Variants in CNTN4 observed in about 807,000 individuals in gnomAD.
The protein encoded by CNTN4 is contactin-4.
CNTN4 carries 77 observed loss-of-function variants against 122.5 expected under a neutral mutation model. The ratio of observed to expected loss-of-function variants is 0.63; its 90% CI spans 0.52 to 0.76. CNTN4 has a LOEUF of 0.76. CNTN4 is among the 30% of genes least tolerant of loss of function. The pLI, the probability that CNTN4 is intolerant of heterozygous loss-of-function variation, is 0.00. For missense variants in CNTN4, 1,256 were observed against 1,259.1 expected (o/e 1.00, Z 0.04); for synonymous variants, 512 against 447.0 (o/e 1.15, Z -1.83).
At chr3:2,373,370 G>A (rs751648249) in intron 3 of CNTN4, among the ~76,000 whole-genome samples, 10 of 152,212 alleles carry the variant, frequency 6.6e-5, no homozygotes, top group Non-Finnish European at 1.0e-4. Flanking sequence ...AGGGAGGACT[G>A]CTTTTCTGTA....
chr3:2,784,920 C>G (rs2091748888), intron 6 of CNTN4, among the ~76,000 whole-genome samples: 1 of 152,134 alleles, frequency 6.6e-6, no homozygotes, highest in African/African-American at 2.4e-5. Flanking sequence ...AGATTTTAAA[C>G]TAATGAGTTC....
At chr3:2,530,947 T>C (rs562657501) in intron 3 of CNTN4, among the ~76,000 whole-genome samples, 12 of 152,204 alleles carry the variant, frequency 7.9e-5, no homozygotes, top group Non-Finnish European at 1.8e-4. Context: ...TCCCAGTCTC[T>C]TACCTTGTTT....
chr3:2,170,340 A>T (rs1319344020), intron 2 of CNTN4, among the ~76,000 whole-genome samples: 1 of 152,166 alleles, frequency 6.6e-6, no homozygotes, highest in Non-Finnish European at 1.5e-5. Context: ...AACAACAACA[A>T]CAAAAAGAGG....
At chr3:2,369,348 G>A (rs1261771194) in intron 3 of CNTN4, among the ~76,000 whole-genome samples, 1 of 152,170 alleles carries the variant, frequency 6.6e-6, no homozygotes, top group Non-Finnish European at 1.5e-5. Context: ...CTCTCACTGT[G>A]CTAATCATAT....
chr3:3,022,603 T>C (rs1338977880), intron 14 of CNTN4, among the ~76,000 whole-genome samples: 1 of 152,208 alleles, frequency 6.6e-6, no homozygotes, highest in Non-Finnish European at 1.5e-5. Flanking sequence ...AATTGAGTAG[T>C]TAATATTATT....
At chr3:2,803,020 T>C (rs984256020) in intron 6 of CNTN4, among the ~76,000 whole-genome samples, 2 of 152,128 alleles carry the variant, frequency 1.3e-5, no homozygotes, top group African/African-American at 2.4e-5. Context: ...GACAGAGATA[T>C]AGTAGGAAAA....
At chr3:2,447,060 G>C (rs1362636007) in intron 3 of CNTN4, among the ~76,000 whole-genome samples, 1 of 152,156 alleles carries the variant, frequency 6.6e-6, no homozygotes, top group Admixed American at 6.6e-5. Flanking sequence ...AATTATGGGA[G>C]TTTCATATGC....
At chr3:2,451,632 T>TTA (rs1391015179) in intron 3 of CNTN4, among the ~76,000 whole-genome samples, 2 of 152,124 alleles carry the variant, frequency 1.3e-5, no homozygotes, top group Non-Finnish European at 2.9e-5. Flanking sequence ...ATAAATGTAG[T>TTA]TATCCTCACG....
chr3:2,884,406 C>T (rs1019916606), intron 9 of CNTN4, among the ~76,000 whole-genome samples: 10 of 152,070 alleles, frequency 6.6e-5, no homozygotes, highest in African/African-American at 1.9e-4. Flanking sequence ...AAGCTACAGT[C>T]GTATCTTTAC....
At chr3:2,278,889 T>A (rs1342600467) in intron 2 of CNTN4, among the ~76,000 whole-genome samples, 2 of 151,904 alleles carry the variant, frequency 1.3e-5, no homozygotes, top group Non-Finnish European at 2.9e-5. Flanking sequence ...CTAAATAAAT[T>A]CAATATTTAT....
intron 12 of CNTN4, 51 bp downstream of exon 12, chr3:2,903,056 A>G (rs756335650): frequency 1.3e-6 from 2 of 1,571,398 alleles, no homozygotes; most frequent in Non-Finnish European, 1.7e-6. Flanking sequence ...TTAGATCACT[A>G]AACTAACTTG....
intron 3 of CNTN4, among the ~76,000 whole-genome samples, chr3:2,442,095 G>T (rs1209981871): frequency 6.6e-6 from 1 of 152,104 alleles, no homozygotes; most frequent in Admixed American, 6.6e-5. Context: ...GATTTATAAT[G>T]AAAATATGTG....
At chr3:2,705,097 A>G (rs976042463) in intron 4 of CNTN4, among the ~76,000 whole-genome samples, 1 of 151,810 alleles carries the variant, frequency 6.6e-6, no homozygotes, top group Non-Finnish European at 1.5e-5. Flanking sequence ...CATGGTACAG[A>G]GAGCTGCATA....
At chr3:2,627,282 T>C (rs987541170) in intron 4 of CNTN4, among the ~76,000 whole-genome samples, 2 of 152,214 alleles carry the variant, frequency 1.3e-5, no homozygotes, top group African/African-American at 4.8e-5. Context: ...GATTTTGCAT[T>C]AAGTTGGAAG....
intron 4 of CNTN4, among the ~76,000 whole-genome samples, chr3:2,704,463 G>A (rs1169522329): frequency 1.3e-5 from 2 of 151,992 alleles, no homozygotes; most frequent in Admixed American, 1.3e-4. Flanking sequence ...CAACAAAAAT[G>A]ATTTCCAATG....
rs35402004 is a variant in CNTN4 at position 2,937,251 on chromosome 3, G to A, written c.1358+11472G>A. Among the ~76,000 whole-genome samples the A allele has an allele frequency of 8.6e-3, 1,304 of 152,254 alleles. 22 individuals are homozygous for A. The highest frequency in any genetic ancestry group is 0.03 in the African/African-American group (1,255 of 41,536). On this transcript the variant is annotated intron_variant, in intron 13 of 24. Transcript: ENST00000418658. ...GGGAAGTGAATTTGGTGGGAGGTCC[G>A]AATTATCTCACTTTGCTCTCTAGAG...
rs752074730 is a variant in CNTN4 at position 2,396,656 on chromosome 3, G to GTTTT, written c.-89+57434_-89+57437dup. ...TTTAAAACTCAAGTGTTATGTCTGG[G>GTTTT]TTTTTTTTTTTTTTATTAACCTCTC... is the stretch of plus-strand genomic sequence containing the variant. On this transcript the variant is annotated intron_variant, in intron 3 of 24. Transcript: ENST00000418658. Among the ~76,000 whole-genome samples, 78 of 145,136 alleles carry GTTTT rather than the reference G, an allele frequency of 5.4e-4. 4 individuals carry two copies. The highest frequency in any genetic ancestry group is 8.1e-4 in the Non-Finnish European group (54 of 66,298).
At chr3:2,763,454 T>G (rs561930423) in intron 6 of CNTN4, among the ~76,000 whole-genome samples, 8 of 152,358 alleles carry the variant, frequency 5.3e-5, no homozygotes, top group African/African-American at 1.7e-4. Flanking sequence ...CTGTTGATAG[T>G]TTCTTTTGCT....
intron 4 of CNTN4, among the ~76,000 whole-genome samples, chr3:2,704,321 A>G (rs78468271): frequency 7.6e-6 from 1 of 132,338 alleles, no homozygotes. Context: ...AAAAAAAAAA[A>G]GTTGATCTGG....
Sources: gnomAD v4.1 joint callset for allele counts (sites outside exome capture counted in the v4.1 genomes callset) on GRCh38, gnomAD v4.1.1 for gene constraint, MANE v1.5 for transcripts, NCBI Gene and HGNC (gene_info 2026-07-23, HGNC 2026-07-21) for gene names.